The following MTERF1 variants were observed in gnomAD, a reference collection of about 807,000 sequenced individuals.
MTERF1 encodes transcription termination factor 1, mitochondrial.
In MTERF1, 29 loss-of-function variants were observed where a neutral mutation model predicts 31.6. That is an observed-to-expected ratio of 0.92 (90% confidence interval 0.68 to 1.25). MTERF1 has a LOEUF of 1.25. MTERF1 is among the 50% of genes most tolerant of loss of function. The pLI is 0.00. For synonymous variants in MTERF1, 152 were observed against 164.1 expected (o/e 0.93, Z 0.57); for missense variants, 500 against 469.1 (o/e 1.07, Z -0.61).
In MTERF1 at chr7:91,874,430, C is replaced by T. The variant is rs201335490; in HGVS notation, c.364G>A (p.Ala122Thr). The change falls in exon 3 of 3, where the codon GCT becomes ACT. Residue 122 changes from alanine (A) to threonine (T), a missense_variant. Coordinates refer to ENST00000351870, the MANE Select transcript of MTERF1 (RefSeq NM_006980.5). ...CGTGGATATCTTGATATGATGCTAGCGATCACTTCTTTGCTAGCTCCTTTG... is the reference window on the plus strand; with the variant it reads ...CGTGGATATCTTGATATGATGCTAGTGATCACTTCTTTGCTAGCTCCTTTG... ...LSKGASKEVI[A>T]SIISRYPRAI... 1.5e-5 allele frequency: 24 copies of T among 1,614,022 alleles called. No homozygotes were observed. The highest frequency in any genetic ancestry group is 1.6e-4 in the Middle Eastern group (1 of 6,062).
intron 2 of MTERF1, chr7:91,877,105 C>G (rs1016960815): frequency 5.8e-6 from 1 of 172,198 alleles, no homozygotes; most frequent in Non-Finnish European, 1.2e-5. Context: ...TATGATTGTA[C>G]TGTAAGACAT....
In MTERF1 at chr7:91,874,444, C is replaced by G; in HGVS notation, c.350G>C (p.Ser117Thr). 6.2e-7 allele frequency: 1 copy of G among 1,614,070 alleles called. No homozygotes were observed. The highest frequency in any genetic ancestry group is 8.5e-7 in the Non-Finnish European group (1 of 1,180,006). The change falls in exon 3 of 3, where the codon AGC (serine) becomes ACC (threonine). Residue 117 changes from serine to threonine, a missense_variant. Coordinates refer to ENST00000351870, the MANE Select transcript of MTERF1 (RefSeq NM_006980.5). ...LKMFLLSKGASKEVIASIISR... is the reference protein window; with the variant it reads ...LKMFLLSKGATKEVIASIISR... ...TATGATGCTAGCGATCACTTCTTTG[C>G]TAGCTCCTTTGGAAAGAAGGAACAT...
In MTERF1 at chr7:91,874,381, T is replaced by C. The variant is rs929058689; in HGVS notation, c.413A>G (p.Asn138Ser). ...YPRAITRTPENLSKRWDLWRK... is the reference protein window; with the variant it reads ...YPRAITRTPESLSKRWDLWRK... The stretch of plus-strand genomic sequence containing the variant: ...CCACAGATCCCACCGTTTTGAAAGA[T>C]TCTCGGGAGTACGTGTTATTGCTCG... Residue 138 changes from asparagine to serine, a missense_variant, in exon 3 of 3, where the codon AAT becomes AGT. Physicochemically the swap from Asn to Ser is conservative, Grantham distance 46. Transcript: ENST00000351870. The C allele has an allele frequency of 6.2e-7, 1 of 1,614,062 alleles. No homozygotes were observed. The highest frequency in any genetic ancestry group is 8.5e-7 in the Non-Finnish European group (1 of 1,180,032).
intron 2 of MTERF1, among the ~76,000 whole-genome samples, chr7:91,876,463 A>T (rs921493334): frequency 6.6e-6 from 1 of 152,246 alleles, no homozygotes. Context: ...ATAGAGATAG[A>T]TAATTCCAAC....
intron 2 of MTERF1, among the ~76,000 whole-genome samples, chr7:91,877,526 G>A (rs1789375762): frequency 6.6e-6 from 1 of 152,156 alleles, no homozygotes; most frequent in Non-Finnish European, 1.5e-5. Flanking sequence ...AGTCATTTGT[G>A]ATAAAAATCT....
At chr7:91,879,381 T>C (rs1224123395) in intron 2 of MTERF1, among the ~76,000 whole-genome samples, 1 of 151,934 alleles carries the variant, frequency 6.6e-6, no homozygotes, top group Non-Finnish European at 1.5e-5. Flanking sequence ...GCCATGTATA[T>C]TAAAGGCGGG....
chr7:91,876,929 A>G, intron 2 of MTERF1: 5 of 985,410 alleles, frequency 5.1e-6, no homozygotes, highest in Non-Finnish European at 6.0e-6. Flanking sequence ...ACTGACCTCT[A>G]CTGGAATAAA....
At position 91,872,583 on chromosome 7, in the gene MTERF1, C is replaced by T. The variant is rs1339753020; in HGVS notation, c.*1011G>A. The T allele has an allele frequency of 6.6e-6, 1 of 152,036 alleles. No individual in the cohort carries two copies. The highest frequency in any genetic ancestry group is 1.5e-5 in the Non-Finnish European group (1 of 68,008). The allele number at this position is 152,036 out of a possible 1,614,324, so 9.4% of individuals were successfully genotyped here. A position where few individuals can be genotyped will look rare whatever the true frequency, so the allele number is the denominator to read the frequency against. ...AGAAAAGCAGACATATTGTTTTTAT[C>T]AATAGTAGGAATAAGGTTTTTTGAA... On this transcript the variant is annotated 3_prime_UTR_variant, in exon 3 of 3. Transcript: ENST00000351870.
rs1789216397 is a variant in MTERF1, at chr7:91,872,905, T to C, written c.*689A>G. ...CTTAAACTATATTAGGCAAACATAT[T>C]CCTTTATTTAGATTTTATATTCACA... On this transcript the variant is annotated 3_prime_UTR_variant, in exon 3 of 3. Coordinates refer to ENST00000351870, the MANE Select transcript of MTERF1 (RefSeq NM_006980.5). The C allele has an allele frequency of 1.3e-5, 2 of 152,140 alleles. No homozygotes were observed. Among genetic ancestry groups the C allele is most frequent in the South Asian group, 2.1e-4 (1 of 4,834 alleles). The allele number at this position is 152,140 out of a possible 1,614,324, so 9.4% of individuals were successfully genotyped here.
chr7:91,880,041 C>T lies in MTERF1; in HGVS notation c.29+14G>A, dbSNP rs1789463855. 1 of 1,613,898 alleles carries T rather than the reference C, an allele frequency of 6.2e-7. No individual in the cohort carries two copies. The highest frequency in any genetic ancestry group is 8.5e-7 in the Non-Finnish European group (1 of 1,179,930). ...AGCAAGCTAAGTTTGGAGATCTTTA[C>T]ATGCATTTCTCACCTTGTTTGTCCT... On this transcript the variant is annotated intron_variant, in intron 2 of 2. Transcript: ENST00000351870.
rs559617048 is a variant in MTERF1 at position 91,871,138 on chromosome 7, C to T, written c.*2456G>A. The T allele has an allele frequency of 1.2e-4, 19 of 152,210 alleles. No homozygotes were observed. Among genetic ancestry groups the T allele is most frequent in the South Asian group, 8.3e-4 (4 of 4,814 alleles). The allele number at this position is 152,210 out of a possible 1,614,324, so 9.4% of individuals were successfully genotyped here. A position where few individuals can be genotyped will look rare whatever the true frequency, so the allele number is the denominator to read the frequency against. Reference sequence around the variant, plus strand: ...GACTCTCCCTTGATCAGACTCAAACCTTAAAGTATGACATGTTAATTTTGC... The same window carrying T: ...GACTCTCCCTTGATCAGACTCAAACTTTAAAGTATGACATGTTAATTTTGC... On this transcript the variant is annotated 3_prime_UTR_variant, in exon 3 of 3. Transcript: ENST00000351870.
At chr7:91,878,947 A>C (rs1789423909) in intron 2 of MTERF1, among the ~76,000 whole-genome samples, 1 of 152,216 alleles carries the variant, frequency 6.6e-6, no homozygotes, top group Non-Finnish European at 1.5e-5. Context: ...GTTTGAGATC[A>C]GCCTGGCCAA....
intron 2 of MTERF1, among the ~76,000 whole-genome samples, chr7:91,877,572 C>A (rs1789377085): frequency 6.6e-6 from 1 of 152,196 alleles, no homozygotes; most frequent in Non-Finnish European, 1.5e-5. Context: ...TTCCTCAACT[C>A]CAGTCATCAA....
chr7:91,875,615 C>T (rs1345917598), intron 2 of MTERF1, among the ~76,000 whole-genome samples: 1 of 152,102 alleles, frequency 6.6e-6, no homozygotes. Flanking sequence ...TCCAGGTCTT[C>T]GACCTTGCCC....
intron 2 of MTERF1, among the ~76,000 whole-genome samples, chr7:91,875,806 A>G (rs562478699): frequency 2.1e-4 from 32 of 152,322 alleles, no homozygotes; most frequent in African/African-American, 7.7e-4. Context: ...ATAGACCTCT[A>G]GTCAACAGCT....
At position 91,872,703 on chromosome 7, in the gene MTERF1, A is replaced by G. The variant is rs994045772; in HGVS notation, c.*891T>C. 7 of 152,218 alleles carry G rather than the reference A, an allele frequency of 4.6e-5. No homozygotes were observed. Among genetic ancestry groups the G allele is most frequent in the African/African-American group, 1.7e-4 (7 of 41,456 alleles). 9.4% of individuals were successfully genotyped at this position (152,218 alleles called of 1,614,324 possible). Reference sequence around the variant, plus strand: ...TAGAAAACAAATGCCTCTGGAAAACAATTAAAATTAAGGTCATATAATTTG... The same window carrying G: ...TAGAAAACAAATGCCTCTGGAAAACGATTAAAATTAAGGTCATATAATTTG... On this transcript the variant is annotated 3_prime_UTR_variant, in exon 3 of 3. Coordinates refer to ENST00000351870, the MANE Select transcript of MTERF1 (RefSeq NM_006980.5).
intron 2 of MTERF1, among the ~76,000 whole-genome samples, chr7:91,875,768 A>G (rs1329306778): frequency 2.0e-5 from 3 of 152,172 alleles, no homozygotes; most frequent in African/African-American, 7.2e-5. Flanking sequence ...CCATGCTACC[A>G]TTAAAGCCTT....
chr7:91,874,416 T>C lies in MTERF1; in HGVS notation c.378A>G (p.Ser126=), dbSNP rs1332634164. The change falls in exon 3 of 3, where the codon TCA becomes TCG. Residue 126 remains serine (S), a synonymous_variant. Transcript: ENST00000351870. The part of the protein sequence containing the change: ...ASKEVIASII[S]RYPRAITRTP... ...TACGTGTTATTGCTCGTGGATATCT[T>C]GATATGATGCTAGCGATCACTTCTT... The C allele has an allele frequency of 6.2e-7, 1 of 1,614,018 alleles. No homozygotes were observed. The highest frequency in any genetic ancestry group is 8.5e-7 in the Non-Finnish European group (1 of 1,180,030).
At chr7:91,880,269 A>C in intron 1 of MTERF1, 156 bp from the exon 2 acceptor site, 1 of 618,188 alleles carries the variant, frequency 1.6e-6, no homozygotes, top group Non-Finnish European at 2.8e-6. Context: ...TACAGAAAAG[A>C]AAACGGCAAG....
Sources: gnomAD v4.1 joint callset for allele counts (sites outside exome capture counted in the v4.1 genomes callset) on GRCh38, gnomAD v4.1.1 for gene constraint, MANE v1.5 for transcripts, NCBI Gene and HGNC (gene_info 2026-07-23, HGNC 2026-07-21) for gene names.